UBTD2: variants seen among roughly 807,000 people sequenced by gnomAD.
The protein encoded by UBTD2 is ubiquitin domain-containing protein 2.
UBTD2 carries 9 observed loss-of-function variants against 19.8 expected under a neutral mutation model. The ratio of observed to expected loss-of-function variants is 0.46; its 90% confidence interval spans 0.27 to 0.79. The LOEUF is 0.79. Among genes scored for constraint, UBTD2 ranks in the 30% least tolerant of loss-of-function variants. UBTD2 has a pLI of 0.14. For missense variants in UBTD2, 250 were observed against 300.4 expected (o/e 0.83, Z 1.24); for synonymous variants, 98 against 103.9 (o/e 0.94, Z 0.35).
intron 1 of UBTD2, among the ~76,000 whole-genome samples, chr5:172,264,527 C>A (rs953265985): frequency 2.2e-5 from 3 of 134,646 alleles, no homozygotes; most frequent in Non-Finnish European, 4.7e-5. Context: ...GGCAACAGAG[C>A]GAGATTCCGT....
intron 1 of UBTD2, among the ~76,000 whole-genome samples, chr5:172,243,030 G>A (rs548503814): frequency 7.3e-5 from 11 of 151,372 alleles, no homozygotes; most frequent in East Asian, 3.9e-4. Flanking sequence ...GTCTCACTAC[G>A]TTACCGAATC....
At chr5:172,250,065 A>G (rs1011201858) in intron 1 of UBTD2, among the ~76,000 whole-genome samples, 2 of 152,066 alleles carry the variant, frequency 1.3e-5, no homozygotes, top group Non-Finnish European at 2.9e-5. Flanking sequence ...TCTACTAAAA[A>G]TACAAACATT....
chr5:172,261,693 C>T (rs1051326920), intron 1 of UBTD2, among the ~76,000 whole-genome samples: 8 of 151,924 alleles, frequency 5.3e-5, no homozygotes, highest in Admixed American at 3.3e-4. Flanking sequence ...GGCACGATCT[C>T]GGCTCACTGC....
rs1364595462 is a variant in UBTD2 at position 172,279,003 on chromosome 5, C to T, written c.70+4593G>A. 3.3e-5 allele frequency among the ~76,000 whole-genome samples: 5 copies of T among 152,294 alleles called. No individual in the cohort carries two copies. The East Asian group carries it at 9.7e-4, about 29-fold the overall frequency. ...ATGTTGGCCAGGCTGGTCTTGAACT[C>T]CTGACCTCAAGTGCTCTACCTGTCT... On this transcript the variant is annotated intron_variant, in intron 1 of 2. Transcript: ENST00000393792.
At chr5:172,219,745 T>A (rs1459893609) in intron 2 of UBTD2, among the ~76,000 whole-genome samples, 1 of 152,158 alleles carries the variant, frequency 6.6e-6, no homozygotes, top group Non-Finnish European at 1.5e-5. Context: ...GAAAAAAAAC[T>A]CATGCTAGTT....
rs1755772765 is a variant in UBTD2 at position 172,283,677 on chromosome 5, G to A, written c.-12C>T. On this transcript the variant is annotated 5_prime_UTR_variant, in exon 1 of 3. Transcript: ENST00000393792. The surrounding 1 kb of genome is among the most constrained non-coding windows in gnomAD (Gnocchi z 4.3). ...ACACACCCGCCCATGGGGGCCCCCGGCGCCTCGTCCGCCACCTCCGGACGC... is the reference window on the plus strand; with the variant it reads ...ACACACCCGCCCATGGGGGCCCCCGACGCCTCGTCCGCCACCTCCGGACGC... The A allele has an allele frequency of 5.7e-6, 7 of 1,233,964 alleles. No individual in the cohort carries two copies. The highest frequency in any genetic ancestry group is 7.1e-6 in the Non-Finnish European group (7 of 985,380). The allele number at this position is 1,233,964 out of a possible 1,614,324, so 76.4% of individuals were successfully genotyped here. A position where few individuals can be genotyped will look rare whatever the true frequency, so the allele number is the denominator to read the frequency against.
intron 1 of UBTD2, among the ~76,000 whole-genome samples, chr5:172,259,101 G>C (rs1247461989): frequency 6.6e-6 from 1 of 152,030 alleles, no homozygotes; most frequent in African/African-American, 2.4e-5. Context: ...CGGCTCTTAT[G>C]ATTTTGAGGT....
chr5:172,254,224 C>T (rs943914687), intron 1 of UBTD2, among the ~76,000 whole-genome samples: 4 of 152,138 alleles, frequency 2.6e-5, no homozygotes, highest in African/African-American at 9.7e-5. Flanking sequence ...CTCAGCCTCC[C>T]AAGTAGCTGG....
At chr5:172,254,994 C>T (rs1220509104) in intron 1 of UBTD2, 2 of 561,218 alleles carry the variant, frequency 3.6e-6, no homozygotes, top group South Asian at 1.5e-5. Flanking sequence ...TGCACCACCA[C>T]CGGCTGGATG....
intron 1 of UBTD2, among the ~76,000 whole-genome samples, chr5:172,270,034 G>A (rs13182813): frequency 2.0e-5 from 3 of 151,216 alleles, no homozygotes; most frequent in Admixed American, 6.6e-5. Flanking sequence ...CCGAGATCAC[G>A]CCATTGCACT....
intron 1 of UBTD2, among the ~76,000 whole-genome samples, chr5:172,267,327 G>A (rs1035109354): frequency 3.3e-5 from 5 of 152,162 alleles, no homozygotes; most frequent in Admixed American, 2.0e-4. Flanking sequence ...CCATCTTTAC[G>A]CATATATGAA....
chr5:172,212,138 T>G lies in UBTD2; in HGVS notation c.397A>C (p.Lys133Gln), dbSNP rs1452720930. 6.2e-7 allele frequency: 1 copy of G among 1,614,230 alleles called. No individual in the cohort carries two copies. The highest frequency in any genetic ancestry group is 8.5e-7 in the Non-Finnish European group (1 of 1,180,040). ...ATATCCAGAGTCTCTATGTCGCTCTTTTCCTCTATCATGTTGATTGGCGGT... is the reference window on the plus strand; with the variant it reads ...ATATCCAGAGTCTCTATGTCGCTCTGTTCCTCTATCATGTTGATTGGCGGT... ...LAPPINMIEE[K>Q]SDIETLDIPE... Residue 133 changes from lysine (K) to glutamine (Q), a missense_variant, in exon 3 of 3, where the codon AAG becomes CAG. Lys to Gln is a moderately conservative substitution (Grantham distance 53, BLOSUM62 1). Transcript: ENST00000393792.
At chr5:172,218,469 G>A (rs1450426390) in intron 2 of UBTD2, among the ~76,000 whole-genome samples, 1 of 151,964 alleles carries the variant, frequency 6.6e-6, no homozygotes, top group African/African-American at 2.4e-5. Context: ...TCAATGAAAT[G>A]GAAAAAATCA....
Position 172,269,593 on chromosome 5 carries a change from G to A in UBTD2, c.70+14003C>T, listed in dbSNP as rs142864175. On this transcript the variant is annotated intron_variant, in intron 1 of 2. Transcript: ENST00000393792. ...TTTCAACAATGAAAGAAATTGAGTCGCACACAGCTAATGGAGGCCTCTTCT... is the reference window on the plus strand; with the variant it reads ...TTTCAACAATGAAAGAAATTGAGTCACACACAGCTAATGGAGGCCTCTTCT... Among the ~76,000 whole-genome samples, 10 of 151,890 alleles carry A rather than the reference G, an allele frequency of 6.6e-5. No homozygotes were observed. The South Asian group carries it at 1.3e-3, about 19-fold the overall frequency.
At chr5:172,245,510 G>A (rs1294893841) in intron 1 of UBTD2, among the ~76,000 whole-genome samples, 2 of 152,084 alleles carry the variant, frequency 1.3e-5, no homozygotes, top group African/African-American at 2.4e-5. Flanking sequence ...TCAGGAGTTC[G>A]AGACCAGCCT....
At chr5:172,222,997 T>G (rs1771684290) in intron 2 of UBTD2, among the ~76,000 whole-genome samples, 1 of 152,158 alleles carries the variant, frequency 6.6e-6, no homozygotes, top group Non-Finnish European at 1.5e-5. Flanking sequence ...AAAGATTGAT[T>G]GGAATCATGA....
chr5:172,252,127 A>G (rs1755038000), intron 1 of UBTD2, among the ~76,000 whole-genome samples: 1 of 152,244 alleles, frequency 6.6e-6, no homozygotes, highest in South Asian at 2.1e-4. Flanking sequence ...ACTGACTCCA[A>G]AGTTCATGCT....
chr5:172,217,433 A>AG (rs1158182910), intron 2 of UBTD2, among the ~76,000 whole-genome samples: 1 of 139,984 alleles, frequency 7.1e-6, no homozygotes. Context: ...AAAAAAAAAA[A>AG]AAAGAAAGAA....
chr5:172,270,122 A>C (rs1755454822), intron 1 of UBTD2, among the ~76,000 whole-genome samples: 1 of 150,990 alleles, frequency 6.6e-6, no homozygotes, highest in Non-Finnish European at 1.5e-5. Context: ...CTCTGTCACC[A>C]AGGCTGGAGT....
Sources: gnomAD v4.1 joint callset for allele counts (sites outside exome capture counted in the v4.1 genomes callset) on GRCh38, gnomAD v4.1.1 for gene constraint, Gnocchi (gnomAD v3.1) non-coding constraint, MANE v1.5 for transcripts, NCBI Gene and HGNC (gene_info 2026-07-23, HGNC 2026-07-21) for gene names.